RP1: variants seen among roughly 807,000 people sequenced by gnomAD.
RP1 encodes oxygen-regulated protein 1.
In RP1, 16 loss-of-function variants were observed where a neutral mutation model predicts 14.8. The ratio of observed to expected loss-of-function variants is 1.08; its 90% confidence interval spans 0.73 to 1.65. The LOEUF (loss-of-function observed/expected upper bound fraction) is 1.65, where lower values mean the gene tolerates loss of function less well. Among genes scored for constraint, RP1 ranks in the 40% most tolerant of loss-of-function variants. RP1 has a pLI of 0.00. For synonymous variants in RP1, 876 were observed against 883.6 expected (o/e 0.99, Z 0.15); for missense variants, 2,631 against 2,535.0 (o/e 1.04, Z -0.81).
intron 19 of RP1, among the ~76,000 whole-genome samples, chr8:54,746,775 C>T (rs1020029089): frequency 2.0e-5 from 3 of 152,122 alleles, no homozygotes; most frequent in African/African-American, 2.4e-5. Context: ...TAAAAAATCA[C>T]TTTTTCTCTA....
Position 54,626,840 on chromosome 8 carries a change from A to G in RP1, c.2958A>G (p.Leu986=), listed in dbSNP as rs1209450837. ...TTGCCGGTTTGACAGGAGATAATCT[A>G]TGTAAAGAGGGAGATAAGTCTTTTA... ...TKIAGLTGDN[L]CKEGDKSFIA... The change falls in exon 4 of 4, where the codon CTA becomes CTG. Residue 986 remains leucine, a synonymous_variant. Coordinates refer to ENST00000220676, the MANE Select transcript of RP1 (RefSeq NM_006269.2). The G allele has an allele frequency of 4.3e-6, 7 of 1,613,710 alleles. No individual in the cohort carries two copies. The highest frequency in any genetic ancestry group is 5.9e-6 in the Non-Finnish European group (7 of 1,179,966).
chr8:54,815,319 A>C (rs1230949893), intron 24 of RP1, among the ~76,000 whole-genome samples: 1 of 152,220 alleles, frequency 6.6e-6, no homozygotes. Flanking sequence ...ATTACACCTC[A>C]ATAAAGCTAT....
chr8:54,767,729 C>T lies in RP1; in HGVS notation c.3249-2012C>T, dbSNP rs367878946. On this transcript the variant is annotated intron_variant, in intron 22 of 22. Coordinates refer to the RP1 transcript ENST00000636932. ...GCATGTAAAGTAAACTCTTTACATACATAACAATGTAGCTGGAAAGATGGG... is the reference window on the plus strand; with the variant it reads ...GCATGTAAAGTAAACTCTTTACATATATAACAATGTAGCTGGAAAGATGGG... Among the ~76,000 whole-genome samples, 50 of 152,212 alleles carry T rather than the reference C, an allele frequency of 3.3e-4. 1 individual carries two copies. The South Asian group carries it at 1.0e-2, about 30-fold the overall frequency.
At chr8:54,706,741 T>C in intron 15 of RP1, 1 of 1,362,328 alleles carries the variant, frequency 7.3e-7, no homozygotes, top group Non-Finnish European at 1.0e-6. Flanking sequence ...TGAGTGGGTT[T>C]TGGAAATTGA....
chr8:54,710,511 G>A (rs1168422254), intron 15 of RP1, among the ~76,000 whole-genome samples: 1 of 152,214 alleles, frequency 6.6e-6, no homozygotes, highest in African/African-American at 2.4e-5. Flanking sequence ...ACTGGTGAGG[G>A]CAAAGGGCCA....
At chr8:54,713,690 C>T (rs1416743189) in intron 15 of RP1, among the ~76,000 whole-genome samples, 2 of 152,140 alleles carry the variant, frequency 1.3e-5, no homozygotes, top group South Asian at 2.1e-4. Context: ...TAGGTTTACA[C>T]GGTGCTAGAC....
Position 54,784,042 on chromosome 8 carries a change from G to T in RP1, c.3615+332G>T, listed in dbSNP as rs117713346. Among the ~76,000 whole-genome samples, 2 of 152,080 alleles carry T rather than the reference G, an allele frequency of 1.3e-5. 1 individual carries two copies. Among genetic ancestry groups the T allele is most frequent in the Non-Finnish European group, 2.9e-5 (2 of 68,004 alleles). On this transcript the variant is annotated intron_variant, in intron 24 of 28. Transcript: ENST00000637698. ...TTTTTGAACATCTGTCTCAGTCTTT[G>T]TTCATACCCATACATGTTTTCCACA...
intron 19 of RP1, among the ~76,000 whole-genome samples, chr8:54,741,705 G>GTATATATA (rs1473570105): frequency 2.0e-4 from 15 of 75,876 alleles, no homozygotes; most frequent in African/African-American, 6.5e-4. Context: ...ACAAATGTGT[G>GTATATATA]TGTATATATA....
At chr8:54,651,434 A>C (rs573051608) in intron 4 of RP1, among the ~76,000 whole-genome samples, 1 of 152,046 alleles carries the variant, frequency 6.6e-6, no homozygotes, top group South Asian at 2.1e-4. Context: ...TTACTGATTC[A>C]ATCTCTTTAC....
At position 54,642,522 on chromosome 8, in the gene RP1, CTG is replaced by C. The variant is rs557043486; in HGVS notation, c.788-6462_788-6461del. On this transcript the variant is annotated intron_variant, in intron 3 of 22. Transcript: ENST00000636932. ...GGGGATATCTTTTTTATTTGTAAAA[CTG>C]AGATAATAGTATCCAAATTTTACCA... 4.6e-5 allele frequency among the ~76,000 whole-genome samples: 7 copies of C among 152,094 alleles called. No individual in the cohort carries two copies. In the South Asian group the frequency reaches 1.2e-3, roughly 27 times the overall value.
intron 22 of RP1, among the ~76,000 whole-genome samples, chr8:54,761,386 A>T (rs1159729821): frequency 3.3e-5 from 5 of 151,808 alleles, no homozygotes; most frequent in Non-Finnish European, 7.4e-5. Context: ...ACAGGCATGT[A>T]CCACCATGCC....
At chr8:54,847,534 C>T (rs1306523028) in intron 25 of RP1, among the ~76,000 whole-genome samples, 4 of 152,330 alleles carry the variant, frequency 2.6e-5, no homozygotes, top group South Asian at 2.1e-4. Flanking sequence ...GTTCTGGCTG[C>T]GTTCATTTTA....
chr8:54,781,283 C>T lies in RP1; in HGVS notation c.3452-2264C>T, dbSNP rs190999624. 2.6e-3 allele frequency among the ~76,000 whole-genome samples: 402 copies of T among 152,208 alleles called. 2 individuals carry two copies. The highest frequency in any genetic ancestry group is 4.4e-3 in the Non-Finnish European group (296 of 68,006). ...AAATATAAGATAAATATTTAGACTT[C>T]AATTACGTGGAATTTTCCTTCTTCC... is the stretch of plus-strand genomic sequence containing the variant. On this transcript the variant is annotated intron_variant, in intron 23 of 28. Transcript: ENST00000637698.
At chr8:54,698,368 A>G (rs1807924856) in intron 12 of RP1, among the ~76,000 whole-genome samples, 1 of 152,210 alleles carries the variant, frequency 6.6e-6, no homozygotes, top group Admixed American at 6.5e-5. Flanking sequence ...AATGACGATC[A>G]TTAAAATGTC....
At position 54,624,519 on chromosome 8, in the gene RP1, A is replaced by G; in HGVS notation, c.788-151A>G. 4.2e-6 allele frequency: 3 copies of G among 707,016 alleles called. No individual in the cohort carries two copies. In the South Asian group the frequency reaches 5.5e-5, roughly 13 times the overall value. 43.8% of individuals were successfully genotyped at this position (707,016 alleles called of 1,614,324 possible). A position where few individuals can be genotyped will look rare whatever the true frequency, so the allele number is the denominator to read the frequency against. On this transcript the variant is annotated intron_variant, in intron 3 of 3. Coordinates refer to ENST00000220676, the MANE Select transcript of RP1 (RefSeq NM_006269.2). ...AGAAACATATCAGTAACATTTTACT[A>G]TGAAATACAGAAAATATGCTACTTT...
intron 1 of RP1, among the ~76,000 whole-genome samples, chr8:54,581,328 C>T (rs1172002708): frequency 6.6e-6 from 1 of 152,216 alleles, no homozygotes; most frequent in Admixed American, 6.5e-5. Flanking sequence ...CTACGAAGGA[C>T]ATGAACTCAT....
intron 27 of RP1, among the ~76,000 whole-genome samples, chr8:54,859,573 G>A (rs556604609): frequency 6.6e-6 from 1 of 150,764 alleles, no homozygotes; most frequent in African/African-American, 2.4e-5. Flanking sequence ...GTCACTGTAG[G>A]GTAGTGTCAC....
chr8:54,738,680 G>T (rs950665765), intron 18 of RP1, among the ~76,000 whole-genome samples: 1 of 152,032 alleles, frequency 6.6e-6, no homozygotes, highest in Non-Finnish European at 1.5e-5. Context: ...CTGAGCATAT[G>T]TGTGTTCTTC....
intron 24 of RP1, among the ~76,000 whole-genome samples, chr8:54,787,289 A>G (rs912155615): frequency 1.3e-5 from 2 of 152,188 alleles, no homozygotes; most frequent in Admixed American, 1.3e-4. Flanking sequence ...GAGAGTAGGC[A>G]GAGAGGAGTT....
Sources: gnomAD v4.1 joint callset for allele counts (sites outside exome capture counted in the v4.1 genomes callset) on GRCh38, gnomAD v4.1.1 for gene constraint, MANE v1.5 for transcripts, NCBI Gene and HGNC (gene_info 2026-07-23, HGNC 2026-07-21) for gene names.